The following NAALADL2 variants were observed in gnomAD, a reference collection of about 807,000 sequenced individuals.
The protein encoded by NAALADL2 is N-acetylated alpha-linked acidic dipeptidase like 2.
NAALADL2 carries 76 observed loss-of-function variants against 87.2 expected under a neutral mutation model. The ratio of observed to expected loss-of-function variants is 0.87; its 90% CI spans 0.72 to 1.05. The LOEUF (loss-of-function observed/expected upper bound fraction) is 1.05, where lower values mean the gene tolerates loss of function less well. NAALADL2 is among the 50% of genes least tolerant of loss of function. The pLI is 0.00. For missense variants in NAALADL2, 1,089 were observed against 945.8 expected, an observed-to-expected ratio of 1.15 and a Z score of -1.99; for synonymous variants, 354 against 331.0, an observed-to-expected ratio of 1.07 and a Z score of -0.75.
chr3:174,499,304 T>G (rs1578031489), intron 1 of NAALADL2, among the ~76,000 whole-genome samples: 1 of 152,082 alleles, frequency 6.6e-6, no homozygotes, highest in South Asian at 2.1e-4. Flanking sequence ...ATATAAGGGT[T>G]CCTCCTACAT....
chr3:175,654,053 A>G (rs578158718), intron 11 of NAALADL2, among the ~76,000 whole-genome samples: 92 of 152,312 alleles, frequency 6.0e-4, no homozygotes, highest in Non-Finnish European at 1.1e-3. Context: ...TTGTTGTACA[A>G]TCAAAAGACT....
intron 1 of NAALADL2, among the ~76,000 whole-genome samples, chr3:174,996,371 C>T (rs1006672443): frequency 2.0e-5 from 3 of 151,900 alleles, no homozygotes; most frequent in Non-Finnish European, 2.9e-5. Context: ...GTGGCAGGTG[C>T]CTGTAGTCTC....
chr3:174,619,587 A>C (rs1479635615), intron 2 of NAALADL2, among the ~76,000 whole-genome samples: 2 of 151,966 alleles, frequency 1.3e-5, no homozygotes, highest in Non-Finnish European at 1.5e-5. Context: ...CCATGAAATG[A>C]AGGGATTTTA....
At position 174,644,545 on chromosome 3, in the gene NAALADL2, C is replaced by CCCATGCAGTTTAAACCCAGGAG. The variant is rs1001294393; in HGVS notation, c.-114-93075_-114-93054dup. ...GCAGATTTAAACCATGTAGTTTAAA[C>CCCATGCAGTTTAAACCCAGGAG]CCATGCAGTTTAAACCCAGGAGCCA... On this transcript the variant is annotated intron_variant, in intron 2 of 3. Transcript: ENST00000434257. 2.8e-4 allele frequency among the ~76,000 whole-genome samples: 43 copies of CCCATGCAGTTTAAACCCAGGAG among 152,004 alleles called. 1 individual carries two copies. Among genetic ancestry groups the CCCATGCAGTTTAAACCCAGGAG allele is most frequent in the Middle Eastern group, 6.8e-3 (2 of 294 alleles).
chr3:175,023,633 A>G (rs1751849590), intron 1 of NAALADL2, among the ~76,000 whole-genome samples: 1 of 152,062 alleles, frequency 6.6e-6, no homozygotes, highest in South Asian at 2.1e-4. Flanking sequence ...ATGACATACT[A>G]CTCATTGTCT....
chr3:175,561,537 A>T (rs1291082478), intron 9 of NAALADL2, among the ~76,000 whole-genome samples: 1 of 152,198 alleles, frequency 6.6e-6, no homozygotes, highest in African/African-American at 2.4e-5. Context: ...TGTAGACAGT[A>T]CTATCAATAG....
intron 11 of NAALADL2, among the ~76,000 whole-genome samples, chr3:175,697,799 GTATA>G (rs1032329180): frequency 7.1e-6 from 1 of 140,178 alleles, no homozygotes; most frequent in African/African-American, 2.6e-5. Flanking sequence ...GTGTATATAT[GTATA>G]TATATTTATG....
chr3:175,587,007 G>T (rs972068236), intron 10 of NAALADL2, among the ~76,000 whole-genome samples: 20 of 152,122 alleles, frequency 1.3e-4, no homozygotes, highest in African/African-American at 4.3e-4. Context: ...CAATCCAAAT[G>T]ATTAAAGTAA....
At position 175,519,157 on chromosome 3, in the gene NAALADL2, C is replaced by T. The variant is rs571757003; in HGVS notation, c.1653+47399C>T. On this transcript the variant is annotated intron_variant, in intron 9 of 13. Transcript: ENST00000454872. ...TCTGGAGTGGGGCTCTTATAACCTACAGACAAACCAAGTAGGTCAGATTTT... is the reference window on the plus strand; with the variant it reads ...TCTGGAGTGGGGCTCTTATAACCTATAGACAAACCAAGTAGGTCAGATTTT... 2.6e-5 allele frequency among the ~76,000 whole-genome samples: 4 copies of T among 152,328 alleles called. No homozygotes were observed. The South Asian group carries it at 8.3e-4, about 32-fold the overall frequency.
intron 1 of NAALADL2, among the ~76,000 whole-genome samples, chr3:174,449,027 A>T (rs1479636605): frequency 6.6e-6 from 1 of 152,208 alleles, no homozygotes; most frequent in Non-Finnish European, 1.5e-5. Context: ...GACTGGTTTC[A>T]AGAGCTTAAA....
intron 1 of NAALADL2, among the ~76,000 whole-genome samples, chr3:174,476,510 A>G (rs533164513): frequency 6.6e-6 from 1 of 151,662 alleles, no homozygotes; most frequent in South Asian, 2.1e-4. Flanking sequence ...TAGTGTCCAA[A>G]TTTTTTCAAT....
chr3:174,726,851 G>A (rs935536538), intron 2 of NAALADL2, among the ~76,000 whole-genome samples: 2 of 151,912 alleles, frequency 1.3e-5, no homozygotes, highest in Non-Finnish European at 2.9e-5. Flanking sequence ...CTATGTGCTC[G>A]TTATTTCCTA....
At chr3:174,985,163 A>T (rs1305693502) in intron 1 of NAALADL2, among the ~76,000 whole-genome samples, 1 of 152,218 alleles carries the variant, frequency 6.6e-6, no homozygotes, top group Non-Finnish European at 1.5e-5. Context: ...ATTGTTTGAT[A>T]TTCATACTCA....
chr3:175,199,864 ATTTTTTTTTTTTTTTTTTT>A (rs869050569), intron 2 of NAALADL2, among the ~76,000 whole-genome samples: 19 of 13,044 alleles, frequency 1.5e-3, no homozygotes, highest in African/African-American at 4.4e-3. Flanking sequence ...ATATATATAT[ATTTTTTTTTTTTTTTTTTT>A]TTTTTTTTTC....
chr3:174,947,891 T>A (rs2108499155), intron 1 of NAALADL2, among the ~76,000 whole-genome samples: 1 of 152,216 alleles, frequency 6.6e-6, no homozygotes, highest in Non-Finnish European at 1.5e-5. Flanking sequence ...TATATTTTAT[T>A]TTGGTAAACT....
At chr3:174,887,365 CTCTT>C (rs1293370026) in intron 1 of NAALADL2, among the ~76,000 whole-genome samples, 11 of 151,670 alleles carry the variant, frequency 7.3e-5, no homozygotes, top group African/African-American at 2.2e-4. Flanking sequence ...GTTTATTAAT[CTCTT>C]TATTAATGGT....
rs1475276973 is a variant in NAALADL2 at position 175,279,779 on chromosome 3, AGTGTGTGAGT to A, written c.939+23257_939+23266del. Among the ~76,000 whole-genome samples the A allele has an allele frequency of 2.4e-4, 31 of 128,752 alleles. No homozygotes were observed. The South Asian group carries it at 3.0e-3, about 13-fold the overall frequency. The allele number at this position is 128,752 out of a possible 152,430, so 84.5% of individuals were successfully genotyped here. ...AATCGCTGAATAAGATCCTCTGCAT[AGTGTGTGAGT>A]GTGTGTGTGTGTGTGTGTGTGTGTG... On this transcript the variant is annotated intron_variant, in intron 4 of 13. Transcript: ENST00000454872.
chr3:175,267,034 T>C (rs1472085525), intron 4 of NAALADL2, among the ~76,000 whole-genome samples: 1 of 146,858 alleles, frequency 6.8e-6, no homozygotes, highest in Non-Finnish European at 1.5e-5. Context: ...GTAAAACTAG[T>C]AAAAAAAAAA....
intron 1 of NAALADL2, among the ~76,000 whole-genome samples, chr3:175,012,564 C>T (rs73032310): frequency 0.18 from 27,231 of 152,016 alleles, 5,185 homozygotes; most frequent in African/African-American, 0.48. Flanking sequence ...TTGATATTAA[C>T]GTGTTACGGA....
Sources: allele counts gnomAD v4.1 joint callset (sites outside exome capture counted in the v4.1 genomes callset), GRCh38; gene constraint gnomAD v4.1.1; transcripts MANE v1.5; gene names NCBI Gene and HGNC (gene_info 2026-07-23, HGNC 2026-07-21).